Variants in NPNT observed in about 807,000 individuals in gnomAD.
The protein encoded by NPNT is preosteoblast EGF-like repeat protein with MAM domain.
NPNT carries 45 observed loss-of-function variants against 68.6 expected under a neutral mutation model. That is an observed-to-expected ratio of 0.66 (90% CI 0.52 to 0.84). The LOEUF (loss-of-function observed/expected upper bound fraction) is 0.84, where lower values mean the gene tolerates loss of function less well. Ranked by LOEUF, NPNT falls within the 40% of genes least tolerant of loss-of-function variation. The pLI, the probability that NPNT is intolerant of heterozygous loss-of-function variation, is 0.00. For synonymous variants in NPNT, 233 were observed against 253.3 expected (o/e 0.92, Z 0.76); for missense variants, 672 against 714.8 (o/e 0.94, Z 0.68).
rs754459233 is a variant in NPNT at position 105,957,396 on chromosome 4, C to A, written c.1160-1075C>A. 2.7e-5 allele frequency among the ~76,000 whole-genome samples: 4 copies of A among 148,024 alleles called. No homozygotes were observed. The South Asian group carries it at 8.4e-4, about 31-fold the overall frequency. On this transcript the variant is annotated intron_variant, in intron 8 of 11. Transcript: ENST00000379987. ...GGCATCTGCTTGGCCATCAAATATA[C>A]ACTGATTGAATAAATAAATCAATGA...
At chr4:105,899,256 T>C (rs951601544) in intron 2 of NPNT, among the ~76,000 whole-genome samples, 4 of 152,210 alleles carry the variant, frequency 2.6e-5, no homozygotes, top group African/African-American at 9.6e-5. Flanking sequence ...GCCTACCTGG[T>C]ATGGAATTTG....
At chr4:105,947,556 A>G (rs1730482110) in intron 8 of NPNT, among the ~76,000 whole-genome samples, 1 of 152,060 alleles carries the variant, frequency 6.6e-6, no homozygotes, top group African/African-American at 2.4e-5. Flanking sequence ...ATGAAACTAC[A>G]GTTTATGCAT....
intron 1 of NPNT, chr4:105,895,929 C>A: frequency 1.8e-6 from 1 of 561,588 alleles, no homozygotes; most frequent in Non-Finnish European, 3.1e-6. Flanking sequence ...CCTTGCGAGT[C>A]TGGGACCCCA....
intron 7 of NPNT, among the ~76,000 whole-genome samples, 171 bp from the exon 8 acceptor site, chr4:105,942,136 T>TATATACATATAGAC (rs140603677): frequency 9.4e-4 from 139 of 147,768 alleles, no homozygotes; most frequent in African/African-American, 3.4e-3. Flanking sequence ...TATATATATA[T>TATATACATATAGAC]ACACACATAT....
At chr4:105,916,623 T>C (rs1178672011) in intron 2 of NPNT, among the ~76,000 whole-genome samples, 1 of 152,214 alleles carries the variant, frequency 6.6e-6, no homozygotes, top group South Asian at 2.1e-4. Context: ...TCCAGTCTGC[T>C]TTCCTGATTT....
intron 3 of NPNT, among the ~76,000 whole-genome samples, chr4:105,931,721 T>A (rs1308267276): frequency 2.7e-5 from 4 of 150,862 alleles, no homozygotes; most frequent in Non-Finnish European, 5.9e-5. Flanking sequence ...GTGCCTGTAG[T>A]TCCAGCTACT....
At chr4:105,927,093 G>T in intron 2 of NPNT, 1 of 271,548 alleles carries the variant, frequency 3.7e-6, no homozygotes, top group East Asian at 6.4e-5. Flanking sequence ...GTCTATTTGA[G>T]TATTGTCCTT....
intron 7 of NPNT, among the ~76,000 whole-genome samples, chr4:105,941,806 T>C (rs759798850): frequency 2.0e-5 from 3 of 152,196 alleles, no homozygotes; most frequent in Non-Finnish European, 4.4e-5. Flanking sequence ...TTTATGCAAA[T>C]TGAATTTATA....
rs1300111415 is a variant in NPNT at position 105,971,222 on chromosome 4, C to T, written c.*2232C>T. The T allele has an allele frequency of 1.6e-5, 7 of 449,638 alleles. No individual in the cohort carries two copies. Among genetic ancestry groups the T allele is most frequent in the African/African-American group, 1.0e-4 (5 of 49,700 alleles). The allele number at this position is 449,638 out of a possible 1,614,324, so 27.9% of individuals were successfully genotyped here. On this transcript the variant is annotated 3_prime_UTR_variant, in exon 12 of 12. Coordinates refer to ENST00000379987, the MANE Select transcript of NPNT (RefSeq NM_001033047.3). ...TGAGAAAGAGTGCCCTGCCCCACAC[C>T]GGCAGACCTTTCCTTCACCTCATCA...
intron 2 of NPNT, among the ~76,000 whole-genome samples, chr4:105,900,505 AT>A (rs1305443521): frequency 6.6e-6 from 1 of 152,162 alleles, no homozygotes; most frequent in African/African-American, 2.4e-5. Context: ...GCTGCCCTTC[AT>A]TTTCACTTGC....
chr4:105,959,717 T>C (rs772301550), intron 10 of NPNT, among the ~76,000 whole-genome samples: 26 of 152,022 alleles, frequency 1.7e-4, no homozygotes, highest in Non-Finnish European at 3.5e-4. Flanking sequence ...GAGTTTTAAA[T>C]TGCACAATTC....
chr4:105,914,353 TTCTC>T (rs1261276610), intron 2 of NPNT, among the ~76,000 whole-genome samples: 34 of 132,200 alleles, frequency 2.6e-4, no homozygotes, highest in East Asian at 8.7e-4. Flanking sequence ...TCTCTCTCCA[TTCTC>T]TCTCTCTCTC....
chr4:105,951,028 C>G (rs991348892), intron 8 of NPNT, among the ~76,000 whole-genome samples: 4 of 151,852 alleles, frequency 2.6e-5, no homozygotes, highest in African/African-American at 9.7e-5. Flanking sequence ...TTCTAACAAA[C>G]ACAGGTAATG....
chr4:105,915,780 T>C (rs143134393), intron 2 of NPNT, among the ~76,000 whole-genome samples: 1 of 152,216 alleles, frequency 6.6e-6, no homozygotes, highest in African/African-American at 2.4e-5. Context: ...TGTGCTTGGA[T>C]TGCAGGGTGA....
chr4:105,935,957 A>C (rs1208679501), intron 3 of NPNT, among the ~76,000 whole-genome samples: 1 of 152,220 alleles, frequency 6.6e-6, no homozygotes, highest in South Asian at 2.1e-4. Context: ...ACATGGATTA[A>C]TAGATAATTA....
rs1351181483 is a variant in NPNT, at chr4:105,942,605, G to A, written c.1062G>A (p.Leu354=). The change falls in exon 8 of 12, where the codon CTG becomes CTA. Residue 354 remains leucine (L), a synonymous_variant. Coordinates refer to ENST00000379987, the MANE Select transcript of NPNT (RefSeq NM_001033047.3). Reference sequence around the variant, plus strand: ...CCCCAGAAAGGCCAACCACCGGACTGACAACTATAGCACCAGCTGCCAGTA... The same window carrying A: ...CCCCAGAAAGGCCAACCACCGGACTAACAACTATAGCACCAGCTGCCAGTA... The part of the protein sequence containing the change: ...PTTPERPTTG[L]TTIAPAASTP... 10 of 1,613,846 alleles carry A rather than the reference G, an allele frequency of 6.2e-6. No individual in the cohort carries two copies. In the Admixed American group the frequency reaches 1.7e-4, roughly 27 times the overall value.
chr4:105,942,408 G>A lies in NPNT; in HGVS notation c.865G>A (p.Asp289Asn), dbSNP rs1397406587. Reference sequence around the variant, plus strand: ...CACAGGAAATAATAATTGGATTCCTGATGTTGGAAGTACTTGGTGGCCTCC... The same window carrying A: ...CACAGGAAATAATAATTGGATTCCTAATGTTGGAAGTACTTGGTGGCCTCC... ...GDTGNNNWIPDVGSTWWPPKT... is the reference protein window; with the variant it reads ...GDTGNNNWIPNVGSTWWPPKT... Residue 289 changes from aspartate (D) to asparagine (N), a missense_variant, in exon 8 of 12, where the codon GAT becomes AAT. Transcript: ENST00000379987. 1.2e-6 allele frequency: 2 copies of A among 1,613,810 alleles called. No homozygotes were observed. The highest frequency in any genetic ancestry group is 1.7e-6 in the Non-Finnish European group (2 of 1,179,864).
intron 2 of NPNT, among the ~76,000 whole-genome samples, chr4:105,919,824 A>G (rs1728106535): frequency 6.6e-6 from 1 of 152,090 alleles, no homozygotes; most frequent in Non-Finnish European, 1.5e-5. Context: ...AGTGGTATCC[A>G]TCAGATTTCT....
At chr4:105,941,511 T>C (rs1052034294) in intron 7 of NPNT, among the ~76,000 whole-genome samples, 1 of 152,178 alleles carries the variant, frequency 6.6e-6, no homozygotes. Flanking sequence ...TAACAGAAGA[T>C]AATTTTTTAA....
Sources: gnomAD v4.1 joint callset for allele counts (sites outside exome capture counted in the v4.1 genomes callset) on GRCh38, gnomAD v4.1.1 for gene constraint, MANE v1.5 for transcripts, NCBI Gene and HGNC (gene_info 2026-07-23, HGNC 2026-07-21) for gene names.